The following ANKRD13B variants were observed in gnomAD, a reference collection of about 807,000 sequenced individuals.
ANKRD13B encodes the protein ankyrin repeat domain 13B.
ANKRD13B carries 33 observed loss-of-function variants against 74.4 expected under a neutral mutation model. That is an observed-to-expected ratio of 0.44 (90% CI 0.34 to 0.59). The LOEUF is 0.59. ANKRD13B is among the 20% of genes least tolerant of loss of function. The pLI is 0.02. For missense variants in ANKRD13B, 676 were observed against 877.9 expected, an observed-to-expected ratio of 0.77 and a Z score of 2.91; for synonymous variants, 341 against 362.9, an observed-to-expected ratio of 0.94 and a Z score of 0.68.
chr17:29,600,386 T>C (rs554055948), intron 1 of ANKRD13B, among the ~76,000 whole-genome samples: 76 of 152,238 alleles, frequency 5.0e-4, no homozygotes, highest in South Asian at 1.9e-3. Context: ...TGGGACAACT[T>C]CCTACTCGGG....
In ANKRD13B at chr17:29,608,781, A is replaced by C. The variant is rs539788844; in HGVS notation, c.422-70A>C. ...CCTGGCCACACGGATCCCAAACCCC[A>C]TGCCCTGAGCTGGTCCAGGCCGTGT... is the stretch of plus-strand genomic sequence containing the variant. On this transcript the variant is annotated intron_variant, in intron 4 of 14. Transcript: ENST00000394859. The surrounding 1 kb of genome is among the most constrained non-coding windows in gnomAD (Gnocchi z 6.4). The C allele has an allele frequency of 5.7e-6, 9 of 1,590,320 alleles. No homozygotes were observed. The South Asian group carries it at 1.0e-4, about 18-fold the overall frequency.
At chr17:29,602,412 A>AT (rs397741966) in intron 1 of ANKRD13B, among the ~76,000 whole-genome samples, 1 of 151,278 alleles carries the variant, frequency 6.6e-6, no homozygotes, top group Non-Finnish European at 1.5e-5. Flanking sequence ...AAAAAAAAAA[A>AT]TTTATTCTGT....
chr17:29,610,031 C>T (rs1464879898), intron 7 of ANKRD13B, among the ~76,000 whole-genome samples: 1 of 151,770 alleles, frequency 6.6e-6, no homozygotes, highest in Non-Finnish European at 1.5e-5. Flanking sequence ...TCTCTACTAA[C>T]AATACAAAAA....
chr17:29,594,065 GAC>G, intron 1 of ANKRD13B: 1 of 162,746 alleles, frequency 6.1e-6, no homozygotes, highest in Non-Finnish European at 1.3e-5. Flanking sequence ...GTTGAGCGGC[GAC>G]ACCTCCCGAG....
At chr17:29,601,175 C>T (rs759716622) in intron 1 of ANKRD13B, among the ~76,000 whole-genome samples, 1 of 151,536 alleles carries the variant, frequency 6.6e-6, no homozygotes, top group Admixed American at 6.6e-5. Context: ...CTGCCCACCT[C>T]GGCCTCCCAA....
Position 29,607,886 on chromosome 17 carries a change from C to A in ANKRD13B, c.250+9C>A. The A allele has an allele frequency of 6.3e-7, 1 of 1,589,966 alleles. No homozygotes were observed. Among genetic ancestry groups the A allele is most frequent in the Non-Finnish European group, 8.6e-7 (1 of 1,167,138 alleles). ...TCGCAGCGGCTGGACAGGTGGGCAG[C>A]CCTGCTCACCCCAGCCCCACAGCCG... On this transcript the variant is annotated intron_variant, in intron 2 of 14. Transcript: ENST00000394859.
rs986104329 is a variant in ANKRD13B, at chr17:29,613,823, A to T, written c.*241A>T. The T allele has an allele frequency of 8.5e-6, 5 of 584,882 alleles. No individual in the cohort carries two copies. Among genetic ancestry groups the T allele is most frequent in the Non-Finnish European group, 1.4e-5 (5 of 364,326 alleles). 36.2% of individuals were successfully genotyped at this position (584,882 alleles called of 1,614,324 possible). A position where few individuals can be genotyped will look rare whatever the true frequency, so the allele number is the denominator to read the frequency against. ...GGTCCCCCTGCTTTGCTGTATTCTG[A>T]TTCCCCAACCCGCTCCCCTGGGCTC... On this transcript the variant is annotated 3_prime_UTR_variant, in exon 15 of 15. Transcript: ENST00000394859.
Position 29,608,746 on chromosome 17 carries a change from C to T in ANKRD13B, c.422-105C>T. 1 of 1,464,248 alleles carries T rather than the reference C, an allele frequency of 6.8e-7. No homozygotes were observed. Among genetic ancestry groups the T allele is most frequent in the Non-Finnish European group, 9.3e-7 (1 of 1,080,216 alleles). 90.7% of individuals were successfully genotyped at this position (1,464,248 alleles called of 1,614,324 possible). On this transcript the variant is annotated intron_variant, in intron 4 of 14. Coordinates refer to ENST00000394859, the MANE Select transcript of ANKRD13B (RefSeq NM_152345.5). This position sits in a 1 kb window ranked among gnomAD's most constrained non-coding sequence, Gnocchi z 6.4. ...GAGAGGCTGCTCTCTCTTCAGTTCC[C>T]TCCCCTGTTCCTGGCCACACGGATC...
In ANKRD13B at chr17:29,611,537, T is replaced by C. The variant is rs2034579342; in HGVS notation, c.905-42T>C. The C allele has an allele frequency of 1.9e-6, 3 of 1,597,696 alleles. No individual in the cohort carries two copies. The East Asian group carries it at 6.7e-5, about 36-fold the overall frequency. On this transcript the variant is annotated intron_variant, in intron 8 of 14. Transcript: ENST00000394859. The surrounding 1 kb of genome is among the most constrained non-coding windows in gnomAD (Gnocchi z 4.3). ...ACCTCTGATGAGGTGCCCAGGTGTG[T>C]GTGGAGTTGCGGTGTCCTCTGAGAT...
chr17:29,599,340 G>T (rs764376141), intron 1 of ANKRD13B: 1 of 152,008 alleles, frequency 6.6e-6, no homozygotes, highest in Non-Finnish European at 1.5e-5. Context: ...ACTTCACAGG[G>T]TGACTTTAGC....
In ANKRD13B at chr17:29,612,301, G is replaced by A. The variant is rs1362307836; in HGVS notation, c.1258+28G>A. 3.6e-5 allele frequency: 58 copies of A among 1,612,934 alleles called. No individual in the cohort carries two copies. The highest frequency in any genetic ancestry group is 4.8e-5 in the Non-Finnish European group (57 of 1,179,262). On this transcript the variant is annotated intron_variant, in intron 11 of 14. Coordinates refer to ENST00000394859, the MANE Select transcript of ANKRD13B (RefSeq NM_152345.5). The surrounding 1 kb of genome is among the most constrained non-coding windows in gnomAD (Gnocchi z 6.1). Reference sequence around the variant, plus strand: ...GAGACCGCACGGCCATTTCTCCTGAGCCCGTGGCGGGCCGACCGGGGTTTA... The same window carrying A: ...GAGACCGCACGGCCATTTCTCCTGAACCCGTGGCGGGCCGACCGGGGTTTA...
chr17:29,613,358 G>T lies in ANKRD13B; in HGVS notation c.1657G>T (p.Ala553Ser). The T allele has an allele frequency of 6.9e-7, 1 of 1,457,626 alleles. No individual in the cohort carries two copies. Among genetic ancestry groups the T allele is most frequent in the South Asian group, 1.4e-5 (1 of 73,966 alleles). The allele number at this position is 1,457,626 out of a possible 1,614,324, so 90.3% of individuals were successfully genotyped here. A position where few individuals can be genotyped will look rare whatever the true frequency, so the allele number is the denominator to read the frequency against. ...ACATTCCTTCCCCACCCCCAGGAGC[G>T]CCCCGCCCACGCCGCAGCGCCAGCC... is the stretch of plus-strand genomic sequence containing the variant. ...SYEGRRQDRS[A>S]PPTPQRQPAP... Residue 553 changes from alanine to serine, a missense_variant, in exon 15 of 15, where the codon GCC (alanine) becomes TCC (serine). By Grantham distance (99) the Ala-to-Ser change is moderately conservative. Transcript: ENST00000394859.
chr17:29,597,058 G>A (rs907477559), intron 1 of ANKRD13B, among the ~76,000 whole-genome samples: 1 of 152,046 alleles, frequency 6.6e-6, no homozygotes, highest in Non-Finnish European at 1.5e-5. Flanking sequence ...GTCAAGCAAC[G>A]ACTACACCAG....
Position 29,613,422 on chromosome 17 carries a change from C to G in ANKRD13B, c.1721C>G (p.Ser574Ter), listed in dbSNP as rs958905427. 6.6e-7 allele frequency: 1 copy of G among 1,526,506 alleles called. No homozygotes were observed. The highest frequency in any genetic ancestry group is 8.8e-7 in the Non-Finnish European group (1 of 1,140,534). The allele number at this position is 1,526,506 out of a possible 1,614,324, so 94.6% of individuals were successfully genotyped here. A position where few individuals can be genotyped will look rare whatever the true frequency, so the allele number is the denominator to read the frequency against. The change falls in exon 15 of 15, where the codon TCA becomes TGA. Residue 574 changes from serine to a stop codon, truncating the protein, a stop_gained. Transcript: ENST00000394859. LOFTEE classifies it high-confidence loss of function. ...TCAGTGCCCAGCCCTCGGCCCAGCT[C>G]AGGGCCAGGTTCCGGCGGCCACGTG... ...PASVPSPRPS[S>*]GPGSGGHVFR...
chr17:29,606,301 G>A (rs1490058583), intron 1 of ANKRD13B, among the ~76,000 whole-genome samples: 2 of 149,250 alleles, frequency 1.3e-5, no homozygotes, highest in Non-Finnish European at 3.0e-5. Context: ...GCTCACGCCT[G>A]TAATCCCAAC....
chr17:29,609,453 C>G lies in ANKRD13B; in HGVS notation c.822+32C>G. 5 of 1,611,172 alleles carry G rather than the reference C, an allele frequency of 3.1e-6. No individual in the cohort carries two copies. The highest frequency in any genetic ancestry group is 4.2e-6 in the Non-Finnish European group (5 of 1,178,912). On this transcript the variant is annotated intron_variant, in intron 7 of 14. Transcript: ENST00000394859. The surrounding 1 kb of genome is among the most constrained non-coding windows in gnomAD (Gnocchi z 4.0). ...CTGCAGCTCCCAGCTGCCAGCCCAG[C>G]TGCACTCTTGCCTACAGCAAGCTGT...
intron 7 of ANKRD13B, among the ~76,000 whole-genome samples, chr17:29,610,270 A>G (rs1027331626): frequency 3.3e-5 from 5 of 151,868 alleles, no homozygotes; most frequent in African/African-American, 1.2e-4. Flanking sequence ...GGAACTAACA[A>G]ATGCCATGGG....
chr17:29,600,002 G>A (rs374976780), intron 1 of ANKRD13B, among the ~76,000 whole-genome samples: 1 of 143,082 alleles, frequency 7.0e-6, no homozygotes, highest in African/African-American at 2.6e-5. Flanking sequence ...TCAGCCTCCC[G>A]AGTAGCTGTG....
In ANKRD13B at chr17:29,607,956, G is replaced by A. The variant is rs1279017709; in HGVS notation, c.251-30G>A. 3.8e-6 allele frequency: 6 copies of A among 1,592,878 alleles called. No individual in the cohort carries two copies. In the Admixed American group the frequency reaches 1.0e-4, roughly 28 times the overall value. On this transcript the variant is annotated intron_variant, in intron 2 of 14. Transcript: ENST00000394859. ...GACCTATGGTTGGCTGAAGGGTCCT[G>A]CCCTGTGACCTTGCCTCGCCCTCCC...
Sources: allele counts gnomAD v4.1 joint callset (sites outside exome capture counted in the v4.1 genomes callset), GRCh38; gene constraint gnomAD v4.1.1; non-coding constraint Gnocchi (gnomAD v3.1); transcripts MANE v1.5; gene names NCBI Gene and HGNC (gene_info 2026-07-23, HGNC 2026-07-21).